PCDHA1: variants seen among roughly 807,000 people sequenced by gnomAD.
PCDHA1 encodes the protein protocadherin alpha-1.
PCDHA1 carries 42 observed loss-of-function variants against 61.3 expected under a neutral mutation model. That is an observed-to-expected ratio of 0.69 (90% CI 0.54 to 0.89). The LOEUF (loss-of-function observed/expected upper bound fraction) is 0.89, where lower values mean the gene tolerates loss of function less well. Among genes scored for constraint, PCDHA1 ranks in the 40% least tolerant of loss-of-function variants. The probability of loss-of-function intolerance (pLI) is 0.00; values close to 1 mark genes in which losing one functional copy is unlikely to be tolerated. For missense variants in PCDHA1, 1,256 were observed against 1,235.3 expected, an observed-to-expected ratio of 1.02 and a Z score of -0.25; for synonymous variants, 610 against 553.8, an observed-to-expected ratio of 1.10 and a Z score of -1.43.
At chr5:140,927,167 C>G in intron 1 of PCDHA1, 3 of 1,614,164 alleles carry the variant, frequency 1.9e-6, no homozygotes, top group Non-Finnish European at 2.5e-6. Flanking sequence ...GCCAAAGCTG[C>G]CTGCGTCTTG....
At chr5:140,828,903 A>C in intron 1 of PCDHA1, 1 of 1,614,256 alleles carries the variant, frequency 6.2e-7, no homozygotes. Flanking sequence ...GATCGGGATG[A>C]AGGAGCGAAT....
At chr5:140,931,008 A>G (rs1554208204) in intron 1 of PCDHA1, among the ~76,000 whole-genome samples, 2 of 152,224 alleles carry the variant, frequency 1.3e-5, no homozygotes, top group African/African-American at 2.4e-5. Flanking sequence ...ATAACATAAC[A>G]GAGGAATTTT....
At chr5:140,971,510 A>G (rs1166115283) in intron 1 of PCDHA1, among the ~76,000 whole-genome samples, 3 of 152,152 alleles carry the variant, frequency 2.0e-5, no homozygotes, top group Non-Finnish European at 2.9e-5. Flanking sequence ...TAGGAGCAAA[A>G]GCCACTCAGT....
chr5:140,828,617 G>A lies in PCDHA1; in HGVS notation c.2394+39933G>A, dbSNP rs2150157424. On this transcript the variant is annotated intron_variant, in intron 1 of 3. Transcript: ENST00000504120. ...CTTAACCTATAAACTCAGTTCTAGCGAATACTTCGGGCTAGATGTGAAAAT... is the reference window on the plus strand; with the variant it reads ...CTTAACCTATAAACTCAGTTCTAGCAAATACTTCGGGCTAGATGTGAAAAT... 3.1e-6 allele frequency: 5 copies of A among 1,614,158 alleles called. No individual in the cohort carries two copies. In the South Asian group the frequency reaches 5.5e-5, roughly 18 times the overall value.
chr5:140,944,364 T>G (rs1264806074), intron 1 of PCDHA1, among the ~76,000 whole-genome samples: 1 of 152,072 alleles, frequency 6.6e-6, no homozygotes, highest in Non-Finnish European at 1.5e-5. Flanking sequence ...ATTTTTAATT[T>G]TTTATAGAGA....
At chr5:140,796,285 G>A in intron 1 of PCDHA1, 1 of 1,614,136 alleles carries the variant, frequency 6.2e-7, no homozygotes, top group East Asian at 2.2e-5. Context: ...CACCACCAGC[G>A]TGTCCATCGA....
intron 1 of PCDHA1, chr5:140,847,877 C>T (rs1305831915): frequency 6.7e-6 from 1 of 149,752 alleles, no homozygotes; most frequent in African/African-American, 2.4e-5. Flanking sequence ...CCAGACATGA[C>T]TAAGTTTCTT....
intron 1 of PCDHA1, among the ~76,000 whole-genome samples, chr5:140,947,229 G>GA (rs201242412): frequency 9.4e-5 from 14 of 148,904 alleles, no homozygotes; most frequent in South Asian, 2.1e-4. Context: ...TTTATGACAG[G>GA]AAAAAAAAAT....
intron 1 of PCDHA1, among the ~76,000 whole-genome samples, chr5:140,949,300 G>T (rs1373100269): frequency 1.3e-5 from 2 of 151,534 alleles, no homozygotes; most frequent in Non-Finnish European, 1.5e-5. Flanking sequence ...GTAATTGTTG[G>T]GTGTAATGAT....
At chr5:140,911,614 G>C (rs1298073663) in intron 1 of PCDHA1, among the ~76,000 whole-genome samples, 1 of 152,152 alleles carries the variant, frequency 6.6e-6, no homozygotes, top group Non-Finnish European at 1.5e-5. Flanking sequence ...ATGTTCCTTA[G>C]TTCCCCACAT....
intron 1 of PCDHA1, among the ~76,000 whole-genome samples, chr5:140,974,079 G>A (rs1554235799): frequency 6.6e-6 from 1 of 152,180 alleles, no homozygotes. Flanking sequence ...CTATAACCAT[G>A]ACTTCAAAAA....
In PCDHA1 at chr5:141,010,994, G is replaced by A. The variant is rs1338532762; in HGVS notation, c.*1057G>A. ...TTTAAGAGAATTGCCTGAAACATCTGTATTATATCGGCCACCTGCCAATCA... is the reference window on the plus strand; with the variant it reads ...TTTAAGAGAATTGCCTGAAACATCTATATTATATCGGCCACCTGCCAATCA... On this transcript the variant is annotated 3_prime_UTR_variant, in exon 4 of 4. Transcript: ENST00000504120. The A allele has an allele frequency of 6.5e-6, 1 of 153,710 alleles. No homozygotes were observed. The highest frequency in any genetic ancestry group is 1.5e-5 in the Non-Finnish European group (1 of 68,046). The allele number at this position is 153,710 out of a possible 1,614,324, so 9.5% of individuals were successfully genotyped here.
chr5:140,875,054 C>A (rs2055251816), intron 1 of PCDHA1, among the ~76,000 whole-genome samples: 1 of 152,146 alleles, frequency 6.6e-6, no homozygotes, highest in Non-Finnish European at 1.5e-5. Flanking sequence ...TACTTTGAAG[C>A]AGAAAACATT....
At chr5:140,971,419 G>A (rs1554233321) in intron 1 of PCDHA1, among the ~76,000 whole-genome samples, 1 of 152,140 alleles carries the variant, frequency 6.6e-6, no homozygotes. Context: ...TGGAAATCCA[G>A]TGAAGAACCC....
intron 1 of PCDHA1, among the ~76,000 whole-genome samples, chr5:140,930,607 G>T (rs536411934): frequency 2.4e-4 from 36 of 152,252 alleles, no homozygotes; most frequent in African/African-American, 7.5e-4. Flanking sequence ...AATCCTAGAT[G>T]CAAGAGAAGG....
intron 1 of PCDHA1, among the ~76,000 whole-genome samples, chr5:140,833,628 T>G (rs1343901945): frequency 2.0e-5 from 3 of 152,146 alleles, no homozygotes; most frequent in African/African-American, 7.2e-5. Context: ...GAATACTTCC[T>G]CCTCAAAAAG....
intron 1 of PCDHA1, chr5:140,966,517 A>T (rs1285058359): frequency 4.6e-6 from 2 of 435,352 alleles, no homozygotes; most frequent in Non-Finnish European, 8.0e-6. Context: ...CAGCAGCAGG[A>T]AGCCGAGCCG....
chr5:140,982,300 GCTT>G, intron 2 of PCDHA1, 172 bp from the exon 3 acceptor site: 2 of 1,204,624 alleles, frequency 1.7e-6, no homozygotes, highest in Non-Finnish European at 1.1e-6. Context: ...AGTCAGCAAT[GCTT>G]CTGCAGTTTA....
At chr5:140,838,280 A>ATT (rs2150286950) in intron 1 of PCDHA1, among the ~76,000 whole-genome samples, 8,551 of 139,516 alleles carry the variant, frequency 0.061, 861 homozygotes, top group African/African-American at 0.2. Flanking sequence ...AGCCATGCTA[A>ATT]TTTTTTTTTT....
Sources: gnomAD v4.1 joint callset for allele counts (sites outside exome capture counted in the v4.1 genomes callset) on GRCh38, gnomAD v4.1.1 for gene constraint, MANE v1.5 for transcripts, NCBI Gene and HGNC (gene_info 2026-07-23, HGNC 2026-07-21) for gene names.